Variants in WDR17 observed in about 807,000 individuals in gnomAD.
WDR17 encodes the protein WD repeat-containing protein 17.
A neutral mutation model predicts 161.7 loss-of-function variants in WDR17; 143 were observed. The ratio of observed to expected loss-of-function variants is 0.88; its 90% CI spans 0.77 to 1.02. WDR17 has a LOEUF of 1.02. Ranked by LOEUF, WDR17 falls within the 50% of genes least tolerant of loss-of-function variation. WDR17 has a pLI of 0.00. For missense variants in WDR17, 1,469 were observed against 1,520.9 expected (o/e 0.97, Z 0.57); for synonymous variants, 517 against 515.6 (o/e 1.00, Z -0.04).
chr4:176,112,733 C>T (rs922311335), intron 2 of WDR17, among the ~76,000 whole-genome samples: 2 of 152,086 alleles, frequency 1.3e-5, no homozygotes, highest in Non-Finnish European at 2.9e-5. Context: ...TGCATGCTTT[C>T]ATTTATTAGG....
intron 5 of WDR17, among the ~76,000 whole-genome samples, chr4:176,126,746 G>C (rs181386919): frequency 2.8e-4 from 42 of 152,256 alleles, no homozygotes; most frequent in African/African-American, 8.7e-4. Context: ...ATCCCCAACT[G>C]TCAAGGCCGG....
intron 1 of WDR17, among the ~76,000 whole-genome samples, chr4:176,068,669 C>T (rs950075943): frequency 3.3e-5 from 5 of 152,096 alleles, no homozygotes; most frequent in African/African-American, 1.2e-4. Context: ...ATTCATGCTC[C>T]TTTTCTTTTG....
At chr4:176,100,097 C>T (rs1737574613) in intron 1 of WDR17, among the ~76,000 whole-genome samples, 1 of 152,106 alleles carries the variant, frequency 6.6e-6, no homozygotes, top group Non-Finnish European at 1.5e-5. Context: ...TGGGTAGATA[C>T]ACAGTAGTAG....
At chr4:176,173,179 C>CA in intron 24 of WDR17, 88 bp from the exon 25 acceptor site, 1 of 858,888 alleles carries the variant, frequency 1.2e-6, no homozygotes, top group Non-Finnish European at 1.8e-6. Flanking sequence ...GACTGACTGA[C>CA]AGAAAATTAA....
chr4:176,077,155 AT>A (rs66817611), intron 1 of WDR17, among the ~76,000 whole-genome samples: 9,935 of 121,914 alleles, frequency 0.081, 673 homozygotes, highest in African/African-American at 0.2. Context: ...TTTTCTCCCA[AT>A]TTTTTTTTTT....
chr4:176,115,304 C>A (rs1740423555), intron 2 of WDR17, among the ~76,000 whole-genome samples: 1 of 151,530 alleles, frequency 6.6e-6, no homozygotes, highest in African/African-American at 2.4e-5. Context: ...AATATAATGT[C>A]CCATCCAAAA....
intron 4 of WDR17, among the ~76,000 whole-genome samples, chr4:176,123,621 G>C (rs1741949096): frequency 6.6e-6 from 1 of 152,194 alleles, no homozygotes; most frequent in Admixed American, 6.5e-5. Flanking sequence ...CAAATGAAAA[G>C]ATGAAAAGGG....
chr4:176,107,237 A>G (rs1197123916), intron 1 of WDR17, among the ~76,000 whole-genome samples: 1 of 151,922 alleles, frequency 6.6e-6, no homozygotes. Context: ...AAGAACAATA[A>G]GACACCATTT....
chr4:176,095,388 C>G (rs1188567962), intron 1 of WDR17, among the ~76,000 whole-genome samples: 1 of 152,084 alleles, frequency 6.6e-6, no homozygotes, highest in Non-Finnish European at 1.5e-5. Context: ...AGAACCTATT[C>G]CGAAGCATTA....
At chr4:176,134,058 G>A (rs112080942) in intron 7 of WDR17, among the ~76,000 whole-genome samples, 2 of 151,852 alleles carry the variant, frequency 1.3e-5, no homozygotes, top group African/African-American at 4.8e-5. Flanking sequence ...TGACCACATA[G>A]GACAGCTTCA....
intron 18 of WDR17, among the ~76,000 whole-genome samples, chr4:176,159,467 T>TA (rs1480334159): frequency 6.6e-6 from 1 of 152,190 alleles, no homozygotes; most frequent in East Asian, 1.9e-4. Context: ...TATTTTCCTT[T>TA]AATCTTCCTC....
At chr4:176,114,557 C>G (rs1368077126) in intron 2 of WDR17, among the ~76,000 whole-genome samples, 2 of 152,000 alleles carry the variant, frequency 1.3e-5, no homozygotes, top group South Asian at 2.1e-4. Context: ...ATTGACCAAG[C>G]CTTACTCTGT....
intron 1 of WDR17, among the ~76,000 whole-genome samples, chr4:176,084,678 G>A (rs1735192958): frequency 6.7e-6 from 1 of 149,630 alleles, no homozygotes; most frequent in African/African-American, 2.5e-5. Context: ...TTCTTTTAAA[G>A]CTTTAATACT....
intron 4 of WDR17, among the ~76,000 whole-genome samples, chr4:176,123,549 A>T (rs969880729): frequency 1.3e-5 from 2 of 152,188 alleles, no homozygotes; most frequent in Admixed American, 1.3e-4. Flanking sequence ...AGTTTGCTAG[A>T]GTAGCTCACA....
rs752980091 is a variant in WDR17 at position 176,160,932 on chromosome 4, C to T, written c.2680C>T (p.Gln894Ter). The T allele has an allele frequency of 3.7e-6, 6 of 1,604,884 alleles. No homozygotes were observed. Among genetic ancestry groups the T allele is most frequent in the Non-Finnish European group, 5.1e-6 (6 of 1,175,972 alleles). Residue 894 changes from glutamine to a stop codon, truncating the protein, a stop_gained, in exon 20 of 29, where the codon CAG becomes TAG. Transcript: ENST00000508596. LOFTEE classifies it high-confidence loss of function. ...CTAGGCTGCTTGTGAAGGAAATATG[C>T]AGCCCTTACATGTTTCCGTGCCTAA... ...VAQAACEGNM[Q>*]PLHVSVPKGA...
At chr4:176,156,622 A>G (rs1748165275) in intron 18 of WDR17, among the ~76,000 whole-genome samples, 1 of 152,048 alleles carries the variant, frequency 6.6e-6, no homozygotes, top group Non-Finnish European at 1.5e-5. Flanking sequence ...TTGTTTCAGA[A>G]TGCAATAACC....
Position 176,111,709 on chromosome 4 carries a change from A to T in WDR17, c.123+6A>T. 6.4e-7 allele frequency: 1 copy of T among 1,553,834 alleles called. No individual in the cohort carries two copies. The highest frequency in any genetic ancestry group is 8.7e-7 in the Non-Finnish European group (1 of 1,151,304). On this transcript the variant is annotated splice_donor_region_variant and intron_variant, in intron 2 of 28. Transcript: ENST00000508596. ...TGGCTATCTATATTTATCAGGTAAA[A>T]TAATAATTCTTTTCCATTTTTAATT...
intron 26 of WDR17, among the ~76,000 whole-genome samples, chr4:176,175,269 C>T (rs574778993): frequency 6.6e-6 from 1 of 152,318 alleles, no homozygotes; most frequent in East Asian, 1.9e-4. Flanking sequence ...TTTTCAATCT[C>T]TACAGCAGAA....
intron 28 of WDR17, 78 bp downstream of exon 28, chr4:176,177,732 C>T: frequency 6.9e-7 from 1 of 1,440,752 alleles, no homozygotes; most frequent in Non-Finnish European, 9.3e-7. Context: ...TAAAATAAGC[C>T]TAATTTGGAT....
Sources: gnomAD v4.1 joint callset for allele counts (sites outside exome capture counted in the v4.1 genomes callset) on GRCh38, gnomAD v4.1.1 for gene constraint, MANE v1.5 for transcripts, NCBI Gene and HGNC (gene_info 2026-07-23, HGNC 2026-07-21) for gene names.